Variants in NEK5 observed in about 807,000 individuals in gnomAD.
NEK5 encodes serine/threonine-protein kinase Nek5.
In NEK5, 88 loss-of-function variants were observed where a neutral mutation model predicts 109.2. The ratio of observed to expected loss-of-function variants is 0.81; its 90% CI spans 0.68 to 0.96. The LOEUF (loss-of-function observed/expected upper bound fraction) is 0.96, where lower values mean the gene tolerates loss of function less well. Among genes scored for constraint, NEK5 ranks in the 40% least tolerant of loss-of-function variants. NEK5 has a pLI of 0.00. For synonymous variants in NEK5, 283 were observed against 299.9 expected (o/e 0.94, Z 0.58); for missense variants, 834 against 920.7 (o/e 0.91, Z 1.22).
chr13:52,057,751 A>C (rs1333972140), intron 22 of NEK5, among the ~76,000 whole-genome samples: 2 of 151,894 alleles, frequency 1.3e-5, no homozygotes, highest in African/African-American at 4.8e-5. Flanking sequence ...AAATTCAACA[A>C]CCCTTCATGC....
chr13:52,057,752 C>T (rs1820935935), intron 22 of NEK5, among the ~76,000 whole-genome samples: 1 of 152,128 alleles, frequency 6.6e-6, no homozygotes, highest in South Asian at 2.1e-4. Flanking sequence ...AATTCAACAA[C>T]CCTTCATGCT....
intron 3 of NEK5, 95 bp downstream of exon 3, chr13:52,127,271 G>A (rs1044363763): frequency 1.4e-5 from 10 of 718,952 alleles, no homozygotes; most frequent in African/African-American, 1.8e-5. Flanking sequence ...CTTAAAATTC[G>A]AAATTATAAA....
chr13:52,061,702 A>C, intron 22 of NEK5, 117 bp downstream of exon 22: 2 of 246,372 alleles, frequency 8.1e-6, no homozygotes, highest in Non-Finnish European at 1.3e-5. Flanking sequence ...TGAAAAGGCT[A>C]GACACCCTCC....
chr13:52,037,050 T>C lies in NEK5; in HGVS notation c.2397A>G (p.Leu799=). The part of the protein sequence containing the change: ...EGISMQKSEE[L]REGLENISTT... ...TAGAAATATTCTCCAAGCCCTCCCT[T>C]AATTCTTCAGATTTCTGCATACTTA... Residue 799 remains leucine (L), a synonymous_variant, in exon 24 of 24, where the codon TTA becomes TTG. Transcript: ENST00000684899. 1 of 985,396 alleles carries C rather than the reference T, an allele frequency of 1.0e-6. No individual in the cohort carries two copies. Among genetic ancestry groups the C allele is most frequent in the Non-Finnish European group, 1.2e-6 (1 of 829,882 alleles). 61.0% of individuals were successfully genotyped at this position (985,396 alleles called of 1,614,324 possible).
chr13:52,058,466 T>C (rs1954582107), intron 22 of NEK5, among the ~76,000 whole-genome samples: 1 of 150,824 alleles, frequency 6.6e-6, no homozygotes, highest in Admixed American at 6.6e-5. Context: ...AAAGTTCATA[T>C]GGAACCAAAA....
chr13:52,075,411 T>C lies in NEK5; in HGVS notation c.1722+347A>G, dbSNP rs552799889. Among the ~76,000 whole-genome samples the C allele has an allele frequency of 1.2e-4, 18 of 152,298 alleles. No individual in the cohort carries two copies. In the South Asian group the frequency reaches 2.5e-3, roughly 21 times the overall value. ...GGATAGAAAACCAAATTCTGCATGT[T>C]CTCACTTATAAGTGGGAGCTAAACA... On this transcript the variant is annotated intron_variant, in intron 19 of 23. Transcript: ENST00000684899.
At chr13:52,060,239 A>T (rs1954600000) in intron 22 of NEK5, among the ~76,000 whole-genome samples, 1 of 152,218 alleles carries the variant, frequency 6.6e-6, no homozygotes, top group South Asian at 2.1e-4. Flanking sequence ...CACATAAAAA[A>T]ATTCCATTAG....
At chr13:52,101,853 T>G in intron 11 of NEK5, 80 bp downstream of exon 11, 1 of 1,127,346 alleles carries the variant, frequency 8.9e-7, no homozygotes, top group Non-Finnish European at 1.4e-6. Flanking sequence ...TCAATATGTT[T>G]GGTGAAATTT....
chr13:52,080,195 G>T (rs1170121246), intron 17 of NEK5, among the ~76,000 whole-genome samples: 1 of 147,686 alleles, frequency 6.8e-6, no homozygotes, highest in African/African-American at 2.5e-5. Flanking sequence ...CAGGCCAGCC[G>T]CCCCGTCCGG....
intron 22 of NEK5, 97 bp downstream of exon 22, chr13:52,061,722 C>A (rs1954615940): frequency 5.4e-6 from 2 of 373,436 alleles, no homozygotes; most frequent in Non-Finnish European, 7.4e-6. Flanking sequence ...CCAATTCTCT[C>A]TCCCAGCTGA....
chr13:52,091,968 A>G (rs1447123420), intron 13 of NEK5, among the ~76,000 whole-genome samples: 1 of 152,206 alleles, frequency 6.6e-6, no homozygotes, highest in African/African-American at 2.4e-5. Flanking sequence ...TGATTCAATT[A>G]TTGATTCATA....
chr13:52,104,118 C>T (rs756833332), intron 9 of NEK5, among the ~76,000 whole-genome samples: 1 of 152,096 alleles, frequency 6.6e-6, no homozygotes, highest in Non-Finnish European at 1.5e-5. Context: ...TGCCACCATG[C>T]CTGGCTAATT....
At position 52,034,873 on chromosome 13, in the gene NEK5, TTTTTTTTC is replaced by T. The variant is rs991112280; in HGVS notation, c.*2067_*2074del. The T allele has an allele frequency of 2.4e-5, 3 of 122,548 alleles. No homozygotes were observed. Among genetic ancestry groups the T allele is most frequent in the South Asian group, 5.0e-4 (2 of 3,966 alleles). The allele number at this position is 122,548 out of a possible 1,614,324, so 7.6% of individuals were successfully genotyped here. A position where few individuals can be genotyped will look rare whatever the true frequency, so the allele number is the denominator to read the frequency against. ...GTTCATTTACCATCCTTAAACATTC[TTTTTTTTC>T]TTTTTTTTTTTTTTTTTTGCCCTTA... On this transcript the variant is annotated 3_prime_UTR_variant, in exon 24 of 24. Coordinates refer to ENST00000684899, the MANE Select transcript of NEK5 (RefSeq NM_001365552.1).
At position 52,063,891 on chromosome 13, in the gene NEK5, G is replaced by A. The variant is rs567587647; in HGVS notation, c.1975+1593C>T. Among the ~76,000 whole-genome samples the A allele has an allele frequency of 3.3e-4, 50 of 152,072 alleles. 1 individual carries two copies. In the South Asian group the frequency reaches 1.0e-2, roughly 30 times the overall value. ...TCTCCGCCCGGCAGCCTCCCCATCC[G>A]GGAAGGAGGTGGGGGTCAGCCCCTG... On this transcript the variant is annotated intron_variant, in intron 21 of 23. Transcript: ENST00000684899.
Position 52,071,967 on chromosome 13 carries a change from T to C in NEK5, c.1826A>G (p.Glu609Gly), listed in dbSNP as rs1954791775. The change falls in exon 20 of 24, where the codon GAA becomes GGA. Residue 609 changes from glutamate to glycine, a missense_variant. By Grantham distance (98) the Glu-to-Gly change is moderately conservative. Around this residue, in one of 2 missense-constraint regions of NEK5, gnomAD observed 777 missense variants for 824.7 expected, o/e 0.94. Transcript: ENST00000684899. ...EHGDYTDKAF[E>G]KLHCPEAGFS... ...ACCTGCTTCTGGGCAGTGAAGTTTT[T>C]CAAATGCTTTGTCTGTATAATCTCC... is the stretch of plus-strand genomic sequence containing the variant. The C allele has an allele frequency of 3.1e-6, 5 of 1,613,268 alleles. No homozygotes were observed. The highest frequency in any genetic ancestry group is 1.3e-5 in the African/African-American group (1 of 74,910).
At chr13:52,088,829 G>A (rs917986570) in intron 14 of NEK5, among the ~76,000 whole-genome samples, 15 of 151,564 alleles carry the variant, frequency 9.9e-5, no homozygotes, top group African/African-American at 3.2e-4. Flanking sequence ...AGTGGCTCAC[G>A]TCTGTAACCC....
At chr13:52,038,078 T>C (rs1954379655) in intron 23 of NEK5, among the ~76,000 whole-genome samples, 3 of 152,180 alleles carry the variant, frequency 2.0e-5, no homozygotes, top group South Asian at 4.1e-4. Flanking sequence ...TAAAAGTAAC[T>C]GCACCAACCT....
At chr13:52,076,033 A>G in intron 18 of NEK5, 30 bp downstream of exon 18, 4 of 1,398,702 alleles carry the variant, frequency 2.9e-6, no homozygotes, top group Non-Finnish European at 4.0e-6. Flanking sequence ...GCTATTTAAT[A>G]TGGAACCCAA....
chr13:52,037,134 T>C lies in NEK5; in HGVS notation c.2313A>G (p.Lys771=), dbSNP rs1954367184. Residue 771 remains lysine (K), a synonymous_variant, in exon 24 of 24, where the codon AAA becomes AAG. Coordinates refer to ENST00000684899, the MANE Select transcript of NEK5 (RefSeq NM_001365552.1). ...EKLATFKGEE[K]TEEASSTSKD... ...TAGAGGTACTGGAGGCCTCTTCTGTTTTTTCTTCCCCTTTGAAAGTAGCGA... is the reference window on the plus strand; with the variant it reads ...TAGAGGTACTGGAGGCCTCTTCTGTCTTTTCTTCCCCTTTGAAAGTAGCGA... 1 of 985,360 alleles carries C rather than the reference T, an allele frequency of 1.0e-6. No individual in the cohort carries two copies. The highest frequency in any genetic ancestry group is 1.7e-5 in the African/African-American group (1 of 57,348). 61.0% of individuals were successfully genotyped at this position (985,360 alleles called of 1,614,324 possible). A position where few individuals can be genotyped will look rare whatever the true frequency, so the allele number is the denominator to read the frequency against.
Sources: gnomAD v4.1 joint callset for allele counts (sites outside exome capture counted in the v4.1 genomes callset) on GRCh38, gnomAD v4.1.1 for gene constraint, gnomAD v4.1.1 regional missense constraint, MANE v1.5 for transcripts, NCBI Gene and HGNC (gene_info 2026-07-23, HGNC 2026-07-21) for gene names.